CACNA1I: variants seen among roughly 807,000 people sequenced by gnomAD.
CACNA1I encodes the protein voltage-dependent T-type calcium channel subunit alpha-1I.
CACNA1I carries 74 observed loss-of-function variants against 201.6 expected under a neutral mutation model. The observed-to-expected ratio is 0.37, with a 90% CI of 0.30 to 0.45. The LOEUF is 0.45. CACNA1I is among the 20% of genes least tolerant of loss of function. The probability of loss-of-function intolerance (pLI) is 1.00; values close to 1 mark genes in which losing one functional copy is unlikely to be tolerated. For synonymous variants in CACNA1I, 1,431 were observed against 1,345.2 expected, an observed-to-expected ratio of 1.06 and a Z score of -1.40; for missense variants, 2,346 against 3,138.1, an observed-to-expected ratio of 0.75 and a Z score of 6.03.
intron 4 of CACNA1I, among the ~76,000 whole-genome samples, chr22:39,620,050 TCCACCCACCCAC>T (rs547198561): frequency 2.4e-4 from 24 of 99,906 alleles, no homozygotes; most frequent in East Asian, 3.4e-4. Context: ...CATCCATCCA[TCCACCCACCCAC>T]CCATCCACCC....
At chr22:39,572,497 C>T (rs1041508474) in intron 1 of CACNA1I, among the ~76,000 whole-genome samples, 2 of 152,028 alleles carry the variant, frequency 1.3e-5, no homozygotes, top group East Asian at 1.9e-4. Flanking sequence ...GGCCCTGGAT[C>T]CCCCTAACTT....
At chr22:39,589,961 C>G (rs1048634552) in intron 1 of CACNA1I, among the ~76,000 whole-genome samples, 4 of 152,072 alleles carry the variant, frequency 2.6e-5, no homozygotes, top group African/African-American at 9.7e-5. Flanking sequence ...CCAAACCCAG[C>G]ACTCCCGCCC....
chr22:39,601,061 A>C (rs1456254812), intron 3 of CACNA1I, among the ~76,000 whole-genome samples: 1 of 151,806 alleles, frequency 6.6e-6, no homozygotes, highest in Admixed American at 6.6e-5. Context: ...GCACTGTCTG[A>C]CTCCAGACTG....
chr22:39,597,219 G>T (rs969804300), intron 1 of CACNA1I, among the ~76,000 whole-genome samples: 1 of 152,182 alleles, frequency 6.6e-6, no homozygotes, highest in East Asian at 1.9e-4. Flanking sequence ...TTTCTTACTG[G>T]TATGACAGGC....
chr22:39,624,267 C>G (rs1933838037), intron 4 of CACNA1I, among the ~76,000 whole-genome samples: 2 of 152,120 alleles, frequency 1.3e-5, no homozygotes, highest in East Asian at 3.9e-4. Context: ...TCCTCTCCTG[C>G]TGTGTGGGGA....
At chr22:39,591,492 C>T (rs1283249898) in intron 1 of CACNA1I, among the ~76,000 whole-genome samples, 1 of 151,950 alleles carries the variant, frequency 6.6e-6, no homozygotes, top group African/African-American at 2.4e-5. Flanking sequence ...AGGCTGTGGG[C>T]GAAGATTCAG....
At chr22:39,667,367 C>T (rs1383130656) in intron 23 of CACNA1I, among the ~76,000 whole-genome samples, 2 of 152,208 alleles carry the variant, frequency 1.3e-5, no homozygotes, top group African/African-American at 4.8e-5. Flanking sequence ...AGACTCATTC[C>T]AGAACCCCAT....
At chr22:39,619,458 C>T in intron 4 of CACNA1I, 51 bp downstream of exon 4, 5 of 1,410,946 alleles carry the variant, frequency 3.5e-6, no homozygotes, top group Non-Finnish European at 5.0e-6. Flanking sequence ...CATCCCTGGC[C>T]AACCCATCCC....
chr22:39,619,151 C>T (rs889204531), intron 3 of CACNA1I, among the ~76,000 whole-genome samples, 159 bp from the exon 4 acceptor site: 4 of 152,214 alleles, frequency 2.6e-5, no homozygotes, highest in Non-Finnish European at 4.4e-5. Context: ...CCACCAACCC[C>T]AGGCCACATG....
chr22:39,596,058 T>C (rs1258233778), intron 1 of CACNA1I, among the ~76,000 whole-genome samples: 1 of 143,474 alleles, frequency 7.0e-6, no homozygotes, highest in Admixed American at 7.2e-5. Context: ...TGAGGTGGAG[T>C]GTCCTGATGT....
rs1242357919 is a variant in CACNA1I at position 39,649,874 on chromosome 22, G to C, written c.1941G>C (p.Met647Ile). 8 of 1,613,592 alleles carry C rather than the reference G, an allele frequency of 5.0e-6. No individual in the cohort carries two copies. The East Asian group carries it at 1.1e-4, about 22-fold the overall frequency. Residue 647 changes from methionine to isoleucine, a missense_variant, in exon 10 of 37, where the codon ATG becomes ATC. Met to Ile is a conservative substitution (Grantham distance 10, BLOSUM62 1). This residue lies in a region of CACNA1I where 312 missense variants were observed against 331.5 expected (regional missense o/e 0.94). Coordinates refer to ENST00000402142, the MANE Select transcript of CACNA1I (RefSeq NM_021096.4). The surrounding 1 kb of genome is among the most constrained non-coding windows in gnomAD (Gnocchi z 7.3). ...GCAAGTACTTCAACCGGGGCATCAT[G>C]ATGGCCATCCTGGTCAACACCGTCA... ...VDSKYFNRGI[M>I]MAILVNTVSM...
chr22:39,584,887 T>A lies in CACNA1I; in HGVS notation c.237-13264T>A, dbSNP rs116088958. ...TGGTCCTTGTAGAGCTCTGAGAATA[T>A]CATCACGGCCATCACTTTGAGGCAG... On this transcript the variant is annotated intron_variant, in intron 1 of 36. Coordinates refer to ENST00000402142, the MANE Select transcript of CACNA1I (RefSeq NM_021096.4). Among the ~76,000 whole-genome samples, 1,048 of 152,300 alleles carry A rather than the reference T, an allele frequency of 6.9e-3. 14 individuals carry two copies. The highest frequency in any genetic ancestry group is 0.025 in the African/African-American group (1,020 of 41,540).
At chr22:39,663,697 G>GCCCCCCC in intron 18 of CACNA1I, 21 bp from the exon 19 acceptor site, 59 of 1,592,326 alleles carry the variant, frequency 3.7e-5, no homozygotes, top group Non-Finnish European at 4.6e-5. Flanking sequence ...CGCTCAGGCA[G>GCCCCCCC]CCCCCGCCCA....
In CACNA1I at chr22:39,672,260, C is replaced by A; in HGVS notation, c.4601C>A (p.Ala1534Asp). 6.2e-6 allele frequency: 10 copies of A among 1,613,760 alleles called. No individual in the cohort carries two copies. The highest frequency in any genetic ancestry group is 8.5e-6 in the Non-Finnish European group (10 of 1,179,810). ...YMFTTVFVLE[A>D]VLKLVAFGLR... ...TTCACCACTGTCTTTGTGCTGGAGG[C>A]TGTGCTGAAGCTGGTGGCATTTGGT... Residue 1534 changes from alanine (A) to aspartate (D), a missense_variant, in exon 27 of 37, where the codon GCT (alanine) becomes GAT (aspartate). By Grantham distance (126) the Ala-to-Asp change is moderately radical. This residue lies in a region of CACNA1I where 228 missense variants were observed against 395.7 expected (regional missense o/e 0.58). Coordinates refer to ENST00000402142, the MANE Select transcript of CACNA1I (RefSeq NM_021096.4).
At chr22:39,606,482 A>T (rs571341240) in intron 3 of CACNA1I, among the ~76,000 whole-genome samples, 1 of 152,328 alleles carries the variant, frequency 6.6e-6, no homozygotes, top group South Asian at 2.1e-4. Flanking sequence ...CCAGTGTGTG[A>T]CAAAGACCCC....
At chr22:39,618,600 G>A (rs1933633330) in intron 3 of CACNA1I, among the ~76,000 whole-genome samples, 1 of 152,040 alleles carries the variant, frequency 6.6e-6, no homozygotes, top group Non-Finnish European at 1.5e-5. Flanking sequence ...AGTCGGACAG[G>A]TTTGTGCAGC....
Position 39,600,500 on chromosome 22 carries a change from CCCT to C in CACNA1I, c.349-13_349-11del. 6.2e-7 allele frequency: 1 copy of C among 1,608,976 alleles called. No homozygotes were observed. The highest frequency in any genetic ancestry group is 8.5e-7 in the Non-Finnish European group (1 of 1,177,062). On this transcript the variant is annotated splice_polypyrimidine_tract_variant and intron_variant, in intron 2 of 36. Transcript: ENST00000402142. Reference sequence around the variant, plus strand: ...TGCAACCTCACCCTGTCCCTTGCTTCCCTCCTCCTGCCCCTGCAGGTCTTTGAT... The same window carrying C: ...TGCAACCTCACCCTGTCCCTTGCTTCCCTCCTGCCCCTGCAGGTCTTTGAT...
At chr22:39,669,930 G>A in intron 24 of CACNA1I, 108 bp from the exon 25 acceptor site, 2 of 1,241,268 alleles carry the variant, frequency 1.6e-6, no homozygotes, top group South Asian at 1.3e-5. Context: ...CTTCCTGGAG[G>A]CAGGCTCAAC....
chr22:39,630,560 G>T (rs993379485), intron 4 of CACNA1I, among the ~76,000 whole-genome samples: 3 of 152,248 alleles, frequency 2.0e-5, no homozygotes, highest in Non-Finnish European at 4.4e-5. Context: ...CCCGGTCCTG[G>T]TCTGGATGGG....
Sources: allele counts gnomAD v4.1 joint callset (sites outside exome capture counted in the v4.1 genomes callset), GRCh38; gene constraint gnomAD v4.1.1; regional missense constraint gnomAD v4.1.1; non-coding constraint Gnocchi (gnomAD v3.1); transcripts MANE v1.5; gene names NCBI Gene and HGNC (gene_info 2026-07-23, HGNC 2026-07-21).